Variants in ROBO2 observed in about 807,000 individuals in gnomAD.
The protein encoded by ROBO2 is roundabout guidance receptor 2.
Under a neutral mutation model 160.8 loss-of-function variants are expected in ROBO2, and 53 were observed. The ratio of observed to expected loss-of-function variants is 0.33; its 90% CI spans 0.26 to 0.41. The LOEUF (loss-of-function observed/expected upper bound fraction) is 0.41, where lower values mean the gene tolerates loss of function less well. ROBO2 is among the 10% of genes least tolerant of loss of function. ROBO2 has a pLI of 1.00. For synonymous variants in ROBO2, 664 were observed against 611.7 expected (o/e 1.09, Z -1.26); for missense variants, 1,577 against 1,722.4 (o/e 0.92, Z 1.49).
chr3:77,370,386 C>A (rs1165000044), intron 2 of ROBO2, among the ~76,000 whole-genome samples: 1 of 152,188 alleles, frequency 6.6e-6, no homozygotes, highest in Non-Finnish European at 1.5e-5. Flanking sequence ...TTGATGAATA[C>A]AATTCCTGTA....
rs537301822 is a variant in ROBO2 at position 77,429,191 on chromosome 3, G to A, written c.389-48223G>A. 9.2e-5 allele frequency among the ~76,000 whole-genome samples: 14 copies of A among 152,272 alleles called. 1 individual carries two copies. The South Asian group carries it at 2.9e-3, about 32-fold the overall frequency. On this transcript the variant is annotated intron_variant, in intron 2 of 25. Coordinates refer to ENST00000461745, the Ensembl canonical transcript of ROBO2. ...AAAGTATTCCTGGTTACTCTTGAAT[G>A]TGGACTTGTGGAAGCTCACAAATTC...
At chr3:76,204,322 C>G (rs536126234) in intron 2 of ROBO2, among the ~76,000 whole-genome samples, 1 of 151,964 alleles carries the variant, frequency 6.6e-6, no homozygotes, top group Non-Finnish European at 1.5e-5. Flanking sequence ...TTTATTACCG[C>G]GAGGAAGCAC....
chr3:76,106,646 T>C (rs566321450), intron 2 of ROBO2, among the ~76,000 whole-genome samples: 13 of 152,264 alleles, frequency 8.5e-5, no homozygotes, highest in African/African-American at 3.1e-4. Flanking sequence ...TTTCAAATTA[T>C]GAATTGAATG....
At chr3:77,165,713 A>C (rs1407113924) in intron 2 of ROBO2, among the ~76,000 whole-genome samples, 1 of 152,154 alleles carries the variant, frequency 6.6e-6, no homozygotes, top group Non-Finnish European at 1.5e-5. Flanking sequence ...AGCTTGATGA[A>C]TTTTTGCAAA....
At chr3:76,921,017 G>A (rs1271435698) in intron 2 of ROBO2, among the ~76,000 whole-genome samples, 2 of 152,258 alleles carry the variant, frequency 1.3e-5, no homozygotes, top group South Asian at 2.1e-4. Flanking sequence ...TCTCTTTGTT[G>A]AGCCAGAGAA....
At chr3:76,429,822 T>A (rs1044847017) in intron 2 of ROBO2, among the ~76,000 whole-genome samples, 8 of 152,184 alleles carry the variant, frequency 5.3e-5, no homozygotes, top group African/African-American at 7.2e-5. Context: ...TAACATGGCA[T>A]CTTGCCCATT....
At chr3:77,514,981 T>A (rs1339999205) in intron 5 of ROBO2, among the ~76,000 whole-genome samples, 1 of 151,720 alleles carries the variant, frequency 6.6e-6, no homozygotes, top group Non-Finnish European at 1.5e-5. Flanking sequence ...ACTGCCTCCA[T>A]ATGTGGTTTT....
intron 2 of ROBO2, among the ~76,000 whole-genome samples, chr3:76,196,425 T>C (rs1419634927): frequency 6.6e-6 from 1 of 152,146 alleles, no homozygotes; most frequent in African/African-American, 2.4e-5. Context: ...CATATATATT[T>C]CTCAAGAATT....
chr3:76,426,658 G>A (rs1004253884), intron 2 of ROBO2, among the ~76,000 whole-genome samples: 1 of 152,012 alleles, frequency 6.6e-6, no homozygotes, highest in African/African-American at 2.4e-5. Flanking sequence ...TGAAAGGGGT[G>A]ATTTTTATTG....
chr3:77,550,888 C>G (rs1431555864), exon 8 of ROBO2: 1 of 1,613,124 alleles, frequency 6.2e-7, no homozygotes, highest in African/African-American at 1.3e-5. Context: ...GGAGACCTCA[C>G]AATCACCAAC....
chr3:77,144,012 A>G (rs1266979888), intron 2 of ROBO2, among the ~76,000 whole-genome samples: 1 of 152,180 alleles, frequency 6.6e-6, no homozygotes, highest in Non-Finnish European at 1.5e-5. Context: ...ATTAAAAAGA[A>G]AGGCCTTCAA....
intron 20 of ROBO2, among the ~76,000 whole-genome samples, chr3:77,606,991 C>T (rs2094537979): frequency 6.6e-6 from 1 of 152,148 alleles, no homozygotes; most frequent in South Asian, 2.1e-4. Flanking sequence ...AGAGTAAAAA[C>T]CATGGCACTG....
At chr3:76,381,934 T>C (rs2076646983) in intron 2 of ROBO2, among the ~76,000 whole-genome samples, 1 of 152,142 alleles carries the variant, frequency 6.6e-6, no homozygotes, top group South Asian at 2.1e-4. Context: ...TTCATGTATA[T>C]ATAGAATATT....
intron 2 of ROBO2, among the ~76,000 whole-genome samples, chr3:76,500,852 A>C (rs2080424503): frequency 6.6e-6 from 1 of 152,186 alleles, no homozygotes; most frequent in Admixed American, 6.5e-5. Context: ...TCATTTTTTA[A>C]TAAAATGATA....
intron 2 of ROBO2, among the ~76,000 whole-genome samples, chr3:76,532,008 T>C (rs2082256596): frequency 1.3e-5 from 2 of 152,154 alleles, no homozygotes; most frequent in African/African-American, 4.8e-5. Flanking sequence ...CCCGTTTCTT[T>C]TCAACACCAG....
intron 2 of ROBO2, among the ~76,000 whole-genome samples, chr3:76,002,581 C>T (rs1002581516): frequency 3.9e-5 from 6 of 152,056 alleles, no homozygotes; most frequent in East Asian, 1.9e-4. Context: ...TCTTGCCTGC[C>T]GCCATGTGGA....
intron 2 of ROBO2, among the ~76,000 whole-genome samples, chr3:76,583,635 C>T (rs952328395): frequency 1.2e-4 from 18 of 152,046 alleles, no homozygotes; most frequent in African/African-American, 2.7e-4. Flanking sequence ...CTTCAATAAC[C>T]GCTCCCCAAA....
intron 2 of ROBO2, among the ~76,000 whole-genome samples, chr3:76,085,112 TATATACACACAC>T (rs2068965484): frequency 6.8e-6 from 1 of 146,692 alleles, no homozygotes; most frequent in Non-Finnish European, 1.5e-5. Flanking sequence ...CATATATATA[TATATACACACAC>T]ACACACACAC....
chr3:76,899,057 G>A (rs922473504), intron 2 of ROBO2, among the ~76,000 whole-genome samples: 10 of 152,012 alleles, frequency 6.6e-5, no homozygotes, highest in African/African-American at 2.4e-4. Flanking sequence ...AAAATCACCA[G>A]TACCGGATGT....
Sources: gnomAD v4.1 joint callset for allele counts (sites outside exome capture counted in the v4.1 genomes callset) on GRCh38, gnomAD v4.1.1 for gene constraint, MANE v1.5 for transcripts, NCBI Gene and HGNC (gene_info 2026-07-23, HGNC 2026-07-21) for gene names.